The following RUFY3 variants were observed in gnomAD, a reference collection of about 807,000 sequenced individuals.
RUFY3 encodes the protein RUN and FYVE domain containing 3.
In RUFY3, 34 loss-of-function variants were observed where a neutral mutation model predicts 84.0. That is an observed-to-expected ratio of 0.40 (90% CI 0.31 to 0.54). The LOEUF (loss-of-function observed/expected upper bound fraction) is 0.54, where lower values mean the gene tolerates loss of function less well. Ranked by LOEUF, RUFY3 falls within the 20% of genes least tolerant of loss-of-function variation. The pLI, the probability that RUFY3 is intolerant of heterozygous loss-of-function variation, is 0.39. For synonymous variants in RUFY3, 242 were observed against 252.9 expected (o/e 0.96, Z 0.41); for missense variants, 507 against 736.8 (o/e 0.69, Z 3.61).
chr4:70,704,836 C>CAGCG, exon 1 of RUFY3: 2 of 781,212 alleles, frequency 2.6e-6, no homozygotes, highest in Non-Finnish European at 3.4e-6. Context: ...GCGGCGGCGG[C>CAGCG]GCAGCGGACG....
intron 6 of RUFY3, 106 bp downstream of exon 6, chr4:70,773,678 G>T: frequency 1.4e-6 from 1 of 701,202 alleles, no homozygotes; most frequent in Admixed American, 2.6e-5. Context: ...CGTGCTGAAA[G>T]AATTTCTGAT....
intron 5 of RUFY3, among the ~76,000 whole-genome samples, chr4:70,771,628 C>T (rs1726981124): frequency 6.6e-6 from 1 of 152,308 alleles, no homozygotes; most frequent in Admixed American, 6.5e-5. Flanking sequence ...GCCTCCCAGG[C>T]TTAATTGATC....
intron 11 of RUFY3, 82 bp from the exon 12 acceptor site, chr4:70,789,413 T>C: frequency 7.8e-7 from 1 of 1,281,060 alleles, no homozygotes. Flanking sequence ...TTTTCCCACT[T>C]ACCATTAGAT....
intron 12 of RUFY3, chr4:70,789,803 T>TAAA: frequency 3.5e-6 from 3 of 856,240 alleles, no homozygotes; most frequent in Non-Finnish European, 4.4e-6. Flanking sequence ...GACTAGCCTT[T>TAAA]AAAAAAAAAA....
chr4:70,733,886 T>C (rs181616074), intron 1 of RUFY3, among the ~76,000 whole-genome samples: 1 of 152,304 alleles, frequency 6.6e-6, no homozygotes, highest in African/African-American at 2.4e-5. Flanking sequence ...AGAGGACATA[T>C]TACTCTAATA....
chr4:70,713,640 G>A (rs1741253866), intron 1 of RUFY3, among the ~76,000 whole-genome samples: 1 of 152,194 alleles, frequency 6.6e-6, no homozygotes, highest in Admixed American at 6.5e-5. Context: ...ACAGCAAAAA[G>A]CAGGTGGAAA....
At chr4:70,729,401 C>T (rs531671380) in intron 1 of RUFY3, among the ~76,000 whole-genome samples, 64 of 152,220 alleles carry the variant, frequency 4.2e-4, no homozygotes, top group African/African-American at 1.4e-3. Flanking sequence ...GGATTACAGG[C>T]GCATACCACC....
In RUFY3 at chr4:70,778,358, C is replaced by T. The variant is rs1391241961; in HGVS notation, c.825-11C>T. 6.6e-7 allele frequency: 1 copy of T among 1,514,380 alleles called. No individual in the cohort carries two copies. Among genetic ancestry groups the T allele is most frequent in the Admixed American group, 1.7e-5 (1 of 57,962 alleles). The allele number at this position is 1,514,380 out of a possible 1,614,324, so 93.8% of individuals were successfully genotyped here. On this transcript the variant is annotated splice_polypyrimidine_tract_variant and intron_variant, in intron 7 of 17. Transcript: ENST00000381006. ...TTCAAAAGTGACTTTTTTTTCTTCT[C>T]TATATTATAGTGCTACTGTAAACAA... is the stretch of plus-strand genomic sequence containing the variant.
chr4:70,764,163 A>G (rs1725455581), intron 3 of RUFY3, among the ~76,000 whole-genome samples: 1 of 152,256 alleles, frequency 6.6e-6, no homozygotes. Flanking sequence ...GGACATTTAT[A>G]TAATCCACAC....
At chr4:70,744,506 T>G (rs1721850809) in intron 1 of RUFY3, among the ~76,000 whole-genome samples, 3 of 152,048 alleles carry the variant, frequency 2.0e-5, no homozygotes, top group Admixed American at 1.3e-4. Flanking sequence ...CGGCTATAGT[T>G]TGCTTTTTAA....
At chr4:70,758,187 T>C (rs979304458) in intron 1 of RUFY3, among the ~76,000 whole-genome samples, 1 of 152,198 alleles carries the variant, frequency 6.6e-6, no homozygotes, top group South Asian at 2.1e-4. Context: ...CCCTCCATAC[T>C]CTGTCAGGTC....
chr4:70,773,654 A>G, intron 6 of RUFY3, 82 bp downstream of exon 6: 1 of 878,606 alleles, frequency 1.1e-6, no homozygotes, highest in Non-Finnish European at 1.8e-6. Flanking sequence ...TTACAACAAT[A>G]CTGTTTTAAC....
At chr4:70,789,705 C>T in intron 12 of RUFY3, 113 bp downstream of exon 12, 2 of 1,391,056 alleles carry the variant, frequency 1.4e-6, no homozygotes, top group Non-Finnish European at 9.4e-7. Flanking sequence ...AAATTAGCAT[C>T]AGACATTCTG....
At chr4:70,711,090 A>AAT (rs1553895966) in intron 1 of RUFY3, among the ~76,000 whole-genome samples, 17 of 150,032 alleles carry the variant, frequency 1.1e-4, no homozygotes, top group African/African-American at 4.2e-4. Context: ...AAAAAAAAAA[A>AAT]AGAAGTATGT....
chr4:70,723,201 C>T (rs1277161745), intron 1 of RUFY3, among the ~76,000 whole-genome samples: 1 of 152,066 alleles, frequency 6.6e-6, no homozygotes, highest in Non-Finnish European at 1.5e-5. Context: ...ATGGTATCCT[C>T]ACCATTATAT....
chr4:70,749,034 G>A (rs1016367112), intron 1 of RUFY3, among the ~76,000 whole-genome samples: 2 of 152,100 alleles, frequency 1.3e-5, no homozygotes, highest in African/African-American at 2.4e-5. Context: ...ATCTAACTGC[G>A]ATTGCCCTCT....
chr4:70,775,969 A>G (rs1294550443), intron 7 of RUFY3, among the ~76,000 whole-genome samples: 1 of 151,624 alleles, frequency 6.6e-6, no homozygotes, highest in African/African-American at 2.4e-5. Flanking sequence ...GAAAAAAAAG[A>G]TACATGCTTT....
chr4:70,715,928 C>A (rs1450239977), intron 1 of RUFY3, among the ~76,000 whole-genome samples: 4 of 152,098 alleles, frequency 2.6e-5, no homozygotes, highest in African/African-American at 7.2e-5. Flanking sequence ...CCTGGCTAAC[C>A]TGGTGAAACC....
chr4:70,705,203 G>T (rs1740131359), exon 1 of RUFY3: 1 of 1,462,266 alleles, frequency 6.8e-7, no homozygotes, highest in Non-Finnish European at 9.0e-7. Flanking sequence ...AGCGCTCCTG[G>T]AGGACCCCGC....
Sources: gnomAD v4.1 joint callset for allele counts (sites outside exome capture counted in the v4.1 genomes callset) on GRCh38, gnomAD v4.1.1 for gene constraint, MANE v1.5 for transcripts, NCBI Gene and HGNC (gene_info 2026-07-23, HGNC 2026-07-21) for gene names.